The following ANKRD30B variants were observed in gnomAD, a reference collection of about 807,000 sequenced individuals.
ANKRD30B encodes ankyrin repeat domain-containing protein 30B.
ANKRD30B carries 144 observed loss-of-function variants against 202.2 expected under a neutral mutation model. The ratio of observed to expected loss-of-function variants is 0.71; its 90% CI spans 0.62 to 0.82. The LOEUF (loss-of-function observed/expected upper bound fraction) is 0.82. ANKRD30B is among the 40% of genes least tolerant of loss of function. The probability of loss-of-function intolerance (pLI) is 0.00; values close to 1 mark genes in which losing one functional copy is unlikely to be tolerated. For synonymous variants in ANKRD30B, 508 were observed against 561.3 expected, an observed-to-expected ratio of 0.91 and a Z score of 1.34; for missense variants, 1,487 against 1,669.1, an observed-to-expected ratio of 0.89 and a Z score of 1.90.
chr18:14,923,421 G>A, the ANKRD30B span, among the ~76,000 whole-genome samples: 2 of 152,158 alleles, frequency 1.3e-5, no homozygotes, highest in East Asian at 1.9e-4. Flanking sequence ...TTCACTGCCT[G>A]TGGAAAGAGG....
chr18:14,824,676 A>T (rs1288237990), intron 32 of ANKRD30B, among the ~76,000 whole-genome samples: 1 of 152,246 alleles, frequency 6.6e-6, no homozygotes, highest in Admixed American at 6.5e-5. Flanking sequence ...TTCTGCACAG[A>T]TTCATTGGAA....
the ANKRD30B span, among the ~76,000 whole-genome samples, chr18:14,870,878 G>A: frequency 6.6e-6 from 1 of 151,836 alleles, no homozygotes; most frequent in Non-Finnish European, 1.5e-5. Context: ...CCTGGCTTCT[G>A]TCCCAAACCT....
At chr18:14,828,462 C>T (rs1241230451) in intron 33 of ANKRD30B, among the ~76,000 whole-genome samples, 154 bp downstream of exon 33, 1 of 152,168 alleles carries the variant, frequency 6.6e-6, no homozygotes, top group Admixed American at 6.5e-5. Context: ...CTTTGCAAAG[C>T]ATCTGTGCTA....
chr18:14,879,419 A>G, the ANKRD30B span, among the ~76,000 whole-genome samples: 1 of 152,178 alleles, frequency 6.6e-6, no homozygotes, highest in Admixed American at 6.5e-5. Context: ...TGTAATGCTA[A>G]TGCACTGCCT....
At chr18:14,767,416 GATAAA>G (rs1173366455) in intron 7 of ANKRD30B, among the ~76,000 whole-genome samples, 1 of 152,180 alleles carries the variant, frequency 6.6e-6, no homozygotes, top group Non-Finnish European at 1.5e-5. Context: ...AATAACTCAT[GATAAA>G]ATAAAACAAT....
the ANKRD30B span, among the ~76,000 whole-genome samples, chr18:14,864,198 C>T: frequency 2.0e-5 from 3 of 151,930 alleles, no homozygotes; most frequent in African/African-American, 4.8e-5. Flanking sequence ...AGCTGGGCGT[C>T]GTGGTGCATG....
intron 36 of ANKRD30B, among the ~76,000 whole-genome samples, chr18:14,839,849 C>T (rs1971340278): frequency 1.3e-5 from 2 of 152,156 alleles, no homozygotes; most frequent in Non-Finnish European, 1.5e-5. Flanking sequence ...TGAAAATTCT[C>T]TTCATGCCAT....
chr18:14,798,643 AC>A (rs1460506966), intron 20 of ANKRD30B, among the ~76,000 whole-genome samples: 3 of 151,964 alleles, frequency 2.0e-5, no homozygotes, highest in East Asian at 3.9e-4. Context: ...ATGGACAGGC[AC>A]CCCCCTCCGT....
At chr18:14,925,813 G>A in the ANKRD30B span, among the ~76,000 whole-genome samples, 945 of 152,248 alleles carry the variant, frequency 6.2e-3, 14 homozygotes, top group African/African-American at 0.021. Flanking sequence ...CCAGAGGCCC[G>A]AGGGAGAGAT....
rs1321470515 is a variant in ANKRD30B at position 14,851,687 on chromosome 18, C to A, written c.3743C>A (p.Thr1248Asn). ...GAAAAGAATGCTGAACTTCAAATGA[C>A]CCTAAAACTGAAACAGAAAACAGTA... ...LQEKNAELQM[T>N]LKLKQKTVTK... Residue 1248 changes from threonine (T) to asparagine (N), a missense_variant, in exon 42 of 44, where the codon ACC (threonine) becomes AAC (asparagine). Thr to Asn is a moderately conservative substitution (Grantham distance 65). This residue lies in a region of ANKRD30B where 177 missense variants were observed against 216.4 expected (regional missense o/e 0.82). Coordinates refer to ENST00000690538, the MANE Select transcript of ANKRD30B (RefSeq NM_001367607.2). 1.2e-6 allele frequency: 2 copies of A among 1,610,330 alleles called. No individual in the cohort carries two copies. Among genetic ancestry groups the A allele is most frequent in the African/African-American group, 2.7e-5 (2 of 74,394 alleles).
chr18:14,832,050 C>T (rs1003224917), intron 34 of ANKRD30B, among the ~76,000 whole-genome samples: 1 of 151,874 alleles, frequency 6.6e-6, no homozygotes, highest in Admixed American at 6.6e-5. Flanking sequence ...TTTAATTAAA[C>T]ACCAAAATAA....
the ANKRD30B span, among the ~76,000 whole-genome samples, chr18:14,913,824 T>C: frequency 6.6e-6 from 1 of 152,230 alleles, no homozygotes; most frequent in South Asian, 2.1e-4. Context: ...CCTCTCACAG[T>C]GTCCTGTTGG....
At chr18:14,792,216 G>A (rs1039476127) in intron 16 of ANKRD30B, among the ~76,000 whole-genome samples, 1 of 152,170 alleles carries the variant, frequency 6.6e-6, no homozygotes, top group African/African-American at 2.4e-5. Flanking sequence ...TGATGCTATT[G>A]CTGGTGGTCC....
rs1970748692 is a variant in ANKRD30B, at chr18:14,828,295, G to C, written c.2761G>C (p.Glu921Gln). ...TTTAATAGAGGATGTGAGTTCTGTA[G>C]AGTCCACATTCAGGTAAGACTTTGC... is the stretch of plus-strand genomic sequence containing the variant. ...TFKAEDVSSV[E>Q]STFSLFGKPT... Residue 921 changes from glutamate to glutamine, a missense_variant, in exon 33 of 44, where the codon GAG (glutamate) becomes CAG (glutamine). By Grantham distance (29) the Glu-to-Gln change is conservative. This residue lies in a region of ANKRD30B where 218 missense variants were observed against 320.1 expected (regional missense o/e 0.68). Coordinates refer to ENST00000690538, the MANE Select transcript of ANKRD30B (RefSeq NM_001367607.2). The C allele has an allele frequency of 2.6e-6, 4 of 1,533,940 alleles. No individual in the cohort carries two copies. The highest frequency in any genetic ancestry group is 3.5e-6 in the Non-Finnish European group (4 of 1,140,220).
chr18:14,902,509 C>G, the ANKRD30B span, among the ~76,000 whole-genome samples: 5 of 152,312 alleles, frequency 3.3e-5, no homozygotes, highest in East Asian at 9.7e-4. Context: ...TGGCCAAGTA[C>G]TATTCTGGCT....
intron 19 of ANKRD30B, 30 bp from the exon 20 acceptor site, chr18:14,797,752 A>C (rs777087641): frequency 1.3e-6 from 2 of 1,594,834 alleles, no homozygotes; most frequent in African/African-American, 2.7e-5. Context: ...TACATTATAT[A>C]TTAATTTTTG....
chr18:14,859,178 GGCTGGCAGAGGCGCT>G (rs1972144037), downstream of ANKRD30B, among the ~76,000 whole-genome samples: 1 of 104,880 alleles, frequency 9.5e-6, no homozygotes, highest in African/African-American at 4.1e-5. Context: ...AGATGGGGCG[GGCTGGCAGAGGCGCT>G]CCTCACCTCC....
intron 34 of ANKRD30B, among the ~76,000 whole-genome samples, chr18:14,835,813 G>T (rs1352546261): frequency 6.6e-6 from 1 of 151,788 alleles, no homozygotes; most frequent in Non-Finnish European, 1.5e-5. Context: ...ACTTAAAAAT[G>T]CCTTATAATT....
chr18:14,843,626 G>T (rs1971514441), intron 39 of ANKRD30B, among the ~76,000 whole-genome samples: 1 of 151,890 alleles, frequency 6.6e-6, no homozygotes, highest in Admixed American at 6.6e-5. Flanking sequence ...GCATGTATAT[G>T]TGTGTTTGTG....
Sources: gnomAD v4.1 joint callset for allele counts (sites outside exome capture counted in the v4.1 genomes callset) on GRCh38, gnomAD v4.1.1 for gene constraint, gnomAD v4.1.1 regional missense constraint, MANE v1.5 for transcripts, NCBI Gene and HGNC (gene_info 2026-07-23, HGNC 2026-07-21) for gene names.